Variants in TENM4 observed in about 807,000 individuals in gnomAD.
TENM4 encodes teneurin-4.
Under a neutral mutation model 243.3 loss-of-function variants are expected in TENM4, and 82 were observed. The ratio of observed to expected loss-of-function variants is 0.34; its 90% CI spans 0.28 to 0.40. TENM4 has a LOEUF of 0.40. TENM4 is among the 10% of genes least tolerant of loss of function. The pLI, the probability that TENM4 is intolerant of heterozygous loss-of-function variation, is 1.00. For synonymous variants in TENM4, 1,412 were observed against 1,456.3 expected (o/e 0.97, Z 0.69); for missense variants, 3,138 against 3,673.3 (o/e 0.85, Z 3.77).
At position 79,070,003 on chromosome 11, in the gene TENM4, G is replaced by T. The variant is rs12280416; in HGVS notation, c.-59C>A. 2.5e-3 allele frequency: 3,814 copies of T among 1,519,802 alleles called. 73 individuals carry two copies. In the African/African-American group the frequency reaches 0.047, roughly 19 times the overall value. The allele number at this position is 1,519,802 out of a possible 1,614,324, so 94.1% of individuals were successfully genotyped here. ...CAGGGTCCTCGCCGCACTCAGGGCC[G>T]AGTGGTCTAGAGCCAGGGAAACCAA... On this transcript the variant is annotated 5_prime_UTR_variant, in exon 5 of 34. Coordinates refer to ENST00000278550, the MANE Select transcript of TENM4 (RefSeq NM_001098816.3).
intron 1 of TENM4, among the ~76,000 whole-genome samples, chr11:79,403,931 C>A (rs1268292778): frequency 6.6e-6 from 1 of 152,222 alleles, no homozygotes; most frequent in Non-Finnish European, 1.5e-5. Context: ...ATTAGCTTGG[C>A]CATGGTCACA....
intron 4 of TENM4, among the ~76,000 whole-genome samples, chr11:79,108,717 A>G (rs774853523): frequency 6.6e-6 from 1 of 152,140 alleles, no homozygotes; most frequent in African/African-American, 2.4e-5. Flanking sequence ...AAAAAGATAA[A>G]AATATTAATG....
Position 78,672,155 on chromosome 11 carries a change from C to A in TENM4, c.5671G>T (p.Gly1891Cys). The change falls in exon 31 of 34, where the codon GGT becomes TGT. Residue 1891 changes from glycine (G) to cysteine (C), a missense_variant. Physicochemically the swap from Gly to Cys is radical, Grantham distance 159 (BLOSUM62 -3). Around this residue, in one of 2 missense-constraint regions of TENM4, gnomAD observed 2,467 missense variants for 3,059.1 expected, o/e 0.81. Transcript: ENST00000278550. ...NGVNVTYSPG[G>C]YIAGIQRGIM... ...CCCCTCTGGATGCCAGCAATGTAAC[C>A]CCCAGGGGAGTATGTCACGTTGACA... 1 of 1,613,982 alleles carries A rather than the reference C, an allele frequency of 6.2e-7. No individual in the cohort carries two copies. Among genetic ancestry groups the A allele is most frequent in the South Asian group, 1.1e-5 (1 of 91,082 alleles).
intron 3 of TENM4, among the ~76,000 whole-genome samples, chr11:79,207,256 A>T (rs977767687): frequency 1.3e-5 from 2 of 152,226 alleles, no homozygotes; most frequent in South Asian, 4.1e-4. Context: ...TGCAAAGGCC[A>T]GGAAGCACTG....
chr11:79,274,255 G>A (rs1012461118), intron 2 of TENM4, among the ~76,000 whole-genome samples: 3 of 152,218 alleles, frequency 2.0e-5, no homozygotes, highest in African/African-American at 7.2e-5. Flanking sequence ...TTACATATTG[G>A]CGACCAAATT....
intron 1 of TENM4, among the ~76,000 whole-genome samples, chr11:79,398,584 G>A (rs1197249928): frequency 6.6e-6 from 1 of 151,974 alleles, no homozygotes; most frequent in Non-Finnish European, 1.5e-5. Context: ...ACAAACAAGT[G>A]GCTTAGTTTT....
At position 79,001,520 on chromosome 11, in the gene TENM4, T is replaced by G. The variant is rs533887873; in HGVS notation, c.493+63218A>C. 7.9e-5 allele frequency among the ~76,000 whole-genome samples: 12 copies of G among 152,176 alleles called. No individual in the cohort carries two copies. In the South Asian group the frequency reaches 8.3e-4, roughly 11 times the overall value. The stretch of plus-strand genomic sequence containing the variant: ...GAACACTTGAGCTGTCAAGGAGAGA[T>G]GCTTATAGAGGTTGTAGGAGCAGGG... On this transcript the variant is annotated intron_variant, in intron 6 of 33. Transcript: ENST00000278550.
intron 1 of TENM4, among the ~76,000 whole-genome samples, chr11:79,410,945 CTACACACACA>C (rs947966266): frequency 1.3e-5 from 2 of 152,062 alleles, no homozygotes; most frequent in African/African-American, 4.8e-5. Context: ...CTGTGCCCCT[CTACACACACA>C]TACACACACA....
In TENM4 at chr11:78,717,893, C is replaced by T. The variant is rs535005978; in HGVS notation, c.3821+2477G>A. 1.1e-4 allele frequency among the ~76,000 whole-genome samples: 16 copies of T among 152,208 alleles called. No individual in the cohort carries two copies. The East Asian group carries it at 1.2e-3, about 11-fold the overall frequency. Reference sequence around the variant, plus strand: ...ATGACCCTGGGGAAGAGCTCTGGGACGAGGCAAAGATGCTTATTTCCTGAA... The same window carrying T: ...ATGACCCTGGGGAAGAGCTCTGGGATGAGGCAAAGATGCTTATTTCCTGAA... On this transcript the variant is annotated intron_variant, in intron 25 of 33. Coordinates refer to ENST00000278550, the MANE Select transcript of TENM4 (RefSeq NM_001098816.3).
At chr11:79,387,173 T>C (rs1858133735) in intron 1 of TENM4, among the ~76,000 whole-genome samples, 1 of 152,210 alleles carries the variant, frequency 6.6e-6, no homozygotes, top group Non-Finnish European at 1.5e-5. Flanking sequence ...TGTGACTCCA[T>C]ATACATTAAA....
At chr11:79,264,793 T>C (rs1049512881) in intron 2 of TENM4, among the ~76,000 whole-genome samples, 1 of 152,182 alleles carries the variant, frequency 6.6e-6, no homozygotes, top group Non-Finnish European at 1.5e-5. Context: ...CAAAATAGTA[T>C]GTTCAAAAAC....
At chr11:79,204,740 G>T (rs1170766992) in intron 3 of TENM4, among the ~76,000 whole-genome samples, 1 of 152,162 alleles carries the variant, frequency 6.6e-6, no homozygotes, top group Non-Finnish European at 1.5e-5. Context: ...CGCTCCTAGG[G>T]TATAGTGGGG....
chr11:78,944,598 T>C (rs1014604439), intron 6 of TENM4, among the ~76,000 whole-genome samples: 16 of 152,224 alleles, frequency 1.1e-4, no homozygotes, highest in African/African-American at 3.9e-4. Flanking sequence ...GCTTTTGATG[T>C]CAGCTGGCTT....
rs149114832 is a variant in TENM4 at position 79,224,309 on chromosome 11, G to A, written c.-264-8400C>T. Among the ~76,000 whole-genome samples the A allele has an allele frequency of 5.8e-3, 879 of 152,258 alleles. 13 individuals carry two copies. The highest frequency in any genetic ancestry group is 0.019 in the African/African-American group (794 of 41,548). Reference sequence around the variant, plus strand: ...GTTCAGGGCTGGGCACCTTAACAACGCCGAGTTAGTCATCGTTCCAGACCC... The same window carrying A: ...GTTCAGGGCTGGGCACCTTAACAACACCGAGTTAGTCATCGTTCCAGACCC... On this transcript the variant is annotated intron_variant, in intron 2 of 33. Transcript: ENST00000278550.
chr11:78,806,890 A>G (rs142813334), intron 14 of TENM4, among the ~76,000 whole-genome samples: 1 of 152,036 alleles, frequency 6.6e-6, no homozygotes, highest in East Asian at 1.9e-4. Flanking sequence ...CCACCATTCT[A>G]TTTTCTATCT....
chr11:79,168,548 G>A (rs540339803), intron 3 of TENM4, among the ~76,000 whole-genome samples: 11 of 152,178 alleles, frequency 7.2e-5, no homozygotes, highest in Non-Finnish European at 1.3e-4. Flanking sequence ...ACATAGAGGA[G>A]CATCTGTTAC....
chr11:78,729,742 G>A lies in TENM4; in HGVS notation c.3139-99C>T, dbSNP rs77897233. On this transcript the variant is annotated intron_variant, in intron 21 of 33. Transcript: ENST00000278550. ...ATGGACTCTGGGTGTTCAGGAGGTA[G>A]AGGGAAAGGCAGAAGGAGAGAGGAG... The A allele has an allele frequency of 6.8e-4, 988 of 1,456,464 alleles. 7 individuals are homozygous for A. In the African/African-American group the frequency reaches 0.012, roughly 17 times the overall value. The allele number at this position is 1,456,464 out of a possible 1,614,324, so 90.2% of individuals were successfully genotyped here.
In TENM4 at chr11:79,332,918, G is replaced by A. The variant is rs184594278; in HGVS notation, c.-320-35375C>T. Among the ~76,000 whole-genome samples the A allele has an allele frequency of 2.6e-5, 4 of 152,188 alleles. No individual in the cohort carries two copies. The East Asian group carries it at 7.7e-4, about 29-fold the overall frequency. ...AAGTCACCTAAACTTCAACCCGCCT[G>A]TCTCACTCTGAAACTCTGGAGGTAT... On this transcript the variant is annotated intron_variant, in intron 1 of 33. Coordinates refer to ENST00000278550, the MANE Select transcript of TENM4 (RefSeq NM_001098816.3).
chr11:79,393,845 C>T lies in TENM4; in HGVS notation c.-321+46664G>A, dbSNP rs187212035. 7.9e-5 allele frequency among the ~76,000 whole-genome samples: 12 copies of T among 152,208 alleles called. No individual in the cohort carries two copies. In the East Asian group the frequency reaches 1.2e-3, roughly 15 times the overall value. On this transcript the variant is annotated intron_variant, in intron 1 of 33. Transcript: ENST00000278550. ...AGTCTGGACTTTGCCCTGGGGCCAT[C>T]GGAGACACGGGGGAGTGAGGAGCAG... is the stretch of plus-strand genomic sequence containing the variant.
Sources: gnomAD v4.1 joint callset for allele counts (sites outside exome capture counted in the v4.1 genomes callset) on GRCh38, gnomAD v4.1.1 for gene constraint, gnomAD v4.1.1 regional missense constraint, MANE v1.5 for transcripts, NCBI Gene and HGNC (gene_info 2026-07-23, HGNC 2026-07-21) for gene names.